CWF19L1: variants seen among roughly 807,000 people sequenced by gnomAD.
CWF19L1 encodes the protein CWF19-like protein 1.
In CWF19L1, 60 loss-of-function variants were observed where a neutral mutation model predicts 69.7. The observed-to-expected ratio is 0.86, with a 90% confidence interval of 0.70 to 1.07. The LOEUF (loss-of-function observed/expected upper bound fraction) is 1.07. Among genes scored for constraint, CWF19L1 ranks in the 50% least tolerant of loss-of-function variants. CWF19L1 has a pLI of 0.00. For synonymous variants in CWF19L1, 209 were observed against 222.2 expected (o/e 0.94, Z 0.53); for missense variants, 591 against 638.9 (o/e 0.92, Z 0.81).
chr10:100,258,242 AAATAAT>A (rs752831715), intron 4 of CWF19L1, among the ~76,000 whole-genome samples: 5 of 152,120 alleles, frequency 3.3e-5, no homozygotes, highest in Non-Finnish European at 5.9e-5. Flanking sequence ...CCATCTCAAA[AAATAAT>A]AATAATAACT....
chr10:100,265,643 C>T (rs180786171), intron 1 of CWF19L1, among the ~76,000 whole-genome samples: 61 of 151,928 alleles, frequency 4.0e-4, no homozygotes, highest in Admixed American at 5.9e-4. Context: ...GCCTCAACCT[C>T]TTGAGTAGCT....
In CWF19L1 at chr10:100,245,827, A is replaced by G. The variant is rs750904002; in HGVS notation, c.936T>C (p.Ser312=). 1.2e-6 allele frequency: 2 copies of G among 1,613,986 alleles called. No homozygotes were observed. The highest frequency in any genetic ancestry group is 1.7e-6 in the Non-Finnish European group (2 of 1,179,844). ...GTTTGCGAGGCTGCTTTGGATGAGG[A>G]GAAGATTTGCTATCTCTACCTGTGG... The part of the protein sequence containing the change: ...RSSTGRDSKS[S]PHPKQPRKPP... The change falls in exon 9 of 14, where the codon TCT becomes TCC. Residue 312 remains serine, a synonymous_variant. Transcript: ENST00000354105.
At chr10:100,250,206 G>A in intron 7 of CWF19L1, 42 bp downstream of exon 7, 1 of 1,257,180 alleles carries the variant, frequency 8.0e-7, no homozygotes. Context: ...TTATCAGGCA[G>A]ACCATGAATA....
In CWF19L1 at chr10:100,249,485, A is replaced by C. The variant is rs555447118; in HGVS notation, c.708+763T>G. 1.9e-3 allele frequency among the ~76,000 whole-genome samples: 284 copies of C among 152,276 alleles called. 1 individual carries two copies. In the South Asian group the frequency reaches 0.031, roughly 17 times the overall value. The stretch of plus-strand genomic sequence containing the variant: ...TTTTTCTGGTATATTCTTTTCATCA[A>C]CTGCACTGTTTTCCAATACAAAGAT... On this transcript the variant is annotated intron_variant, in intron 7 of 13. Transcript: ENST00000354105.
chr10:100,248,535 G>A, intron 7 of CWF19L1: 2 of 708,300 alleles, frequency 2.8e-6, no homozygotes, highest in South Asian at 3.1e-5. Context: ...CAACATCACG[G>A]TGCACATGGG....
intron 7 of CWF19L1, among the ~76,000 whole-genome samples, chr10:100,249,634 G>C (rs1242128448): frequency 6.6e-6 from 1 of 151,964 alleles, no homozygotes; most frequent in East Asian, 1.9e-4. Flanking sequence ...ACCCAGGCTG[G>C]AGTGCAGTGG....
rs1195085883 is a variant in CWF19L1, at chr10:100,261,050, A to G, written c.109-6T>C. ...TTTCCTACACACAACAGCAGCTAAA[A>G]TGAGTTTTTTAAACAGATATATGAG... On this transcript the variant is annotated splice_region_variant and splice_polypyrimidine_tract_variant and intron_variant, in intron 2 of 13. Coordinates refer to ENST00000354105, the MANE Select transcript of CWF19L1 (RefSeq NM_018294.6). The G allele has an allele frequency of 2.5e-6, 4 of 1,607,778 alleles. No individual in the cohort carries two copies. Among genetic ancestry groups the G allele is most frequent in the East Asian group, 2.2e-5 (1 of 44,786 alleles).
intron 10 of CWF19L1, among the ~76,000 whole-genome samples, chr10:100,239,337 T>C (rs182264569): frequency 3.8e-4 from 58 of 152,270 alleles, no homozygotes; most frequent in Non-Finnish European, 7.4e-5. Flanking sequence ...CAAATATAGA[T>C]ACGTTAGAAA....
In CWF19L1 at chr10:100,251,656, C is replaced by T. The variant is rs1054359820; in HGVS notation, c.624-1324G>A. Among the ~76,000 whole-genome samples, 22 of 151,900 alleles carry T rather than the reference C, an allele frequency of 1.4e-4. 1 individual carries two copies. Among genetic ancestry groups the T allele is most frequent in the Admixed American group, 1.2e-3 (18 of 15,226 alleles). On this transcript the variant is annotated intron_variant, in intron 6 of 13. Transcript: ENST00000354105. Reference sequence around the variant, plus strand: ...CCTTCCAAGTAGCTGGGACTACAGGCGCCCGCCACCATGCCCAGCTAATTT... The same window carrying T: ...CCTTCCAAGTAGCTGGGACTACAGGTGCCCGCCACCATGCCCAGCTAATTT...
intron 10 of CWF19L1, among the ~76,000 whole-genome samples, chr10:100,242,539 T>G (rs1002884213): frequency 6.6e-6 from 1 of 152,142 alleles, no homozygotes; most frequent in Non-Finnish European, 1.5e-5. Context: ...CCAGATGTGA[T>G]GGCAGGTGCC....
At chr10:100,251,851 C>T (rs542820614) in intron 6 of CWF19L1, among the ~76,000 whole-genome samples, 6 of 152,140 alleles carry the variant, frequency 3.9e-5, no homozygotes, top group African/African-American at 7.2e-5. Context: ...AACTGTATTC[C>T]GATTCTTAAG....
At chr10:100,249,573 G>A (rs532056957) in intron 7 of CWF19L1, among the ~76,000 whole-genome samples, 1 of 152,098 alleles carries the variant, frequency 6.6e-6, no homozygotes, top group East Asian at 1.9e-4. Flanking sequence ...GCTTAGGTAA[G>A]TCCTCTGGGT....
At chr10:100,248,901 G>A (rs959632640) in intron 7 of CWF19L1, 5 of 940,436 alleles carry the variant, frequency 5.3e-6, no homozygotes, top group South Asian at 1.3e-5. Flanking sequence ...TCTCTGCTGA[G>A]GGCGATTCCA....
At chr10:100,253,240 A>C (rs1281513449) in intron 6 of CWF19L1, among the ~76,000 whole-genome samples, 181 bp downstream of exon 6, 1 of 152,226 alleles carries the variant, frequency 6.6e-6, no homozygotes, top group East Asian at 1.9e-4. Flanking sequence ...GGATTTCCAA[A>C]GTGATTTCAA....
rs757088627 is a variant in CWF19L1, at chr10:100,260,986, T to C, written c.167A>G (p.Tyr56Cys). 8.7e-6 allele frequency: 14 copies of C among 1,610,858 alleles called. No homozygotes were observed. Among genetic ancestry groups the C allele is most frequent in the Non-Finnish European group, 1.0e-5 (12 of 1,177,514 alleles). ...TATACCTTTCTTGATGCCAGTCTTATACTCCTCCCATTCAGCATCTTGGGT... is the reference window on the plus strand; with the variant it reads ...TATACCTTTCTTGATGCCAGTCTTACACTCCTCCCATTCAGCATCTTGGGT... ...GSTQDAEWEE[Y>C]KTGIKKAPIQ... is the part of the protein sequence containing the mutation. The change falls in exon 3 of 14, where the codon TAT becomes TGT. Residue 56 changes from tyrosine to cysteine, a missense_variant. Physicochemically the swap from Tyr to Cys is radical, Grantham distance 194 (BLOSUM62 -2). Around this residue, in one of 3 missense-constraint regions of CWF19L1, gnomAD observed 129 missense variants for 131.3 expected, o/e 0.98. Transcript: ENST00000354105.
At chr10:100,264,802 C>T (rs1041787264) in intron 1 of CWF19L1, among the ~76,000 whole-genome samples, 7 of 151,676 alleles carry the variant, frequency 4.6e-5, no homozygotes, top group African/African-American at 1.5e-4. Context: ...GGCCTAGACT[C>T]GTGTGTGTGT....
chr10:100,258,391 T>C (rs898357042), intron 4 of CWF19L1, among the ~76,000 whole-genome samples: 18 of 152,332 alleles, frequency 1.2e-4, no homozygotes, highest in African/African-American at 3.8e-4. Flanking sequence ...CCAAGTACCT[T>C]AGCTGCTCTT....
At chr10:100,239,037 A>G (rs767985281) in intron 10 of CWF19L1, among the ~76,000 whole-genome samples, 9 of 150,716 alleles carry the variant, frequency 6.0e-5, no homozygotes, top group African/African-American at 2.0e-4. Context: ...AAAAGCTAAG[A>G]TGGCATGATT....
In CWF19L1 at chr10:100,233,467, C is replaced by T; in HGVS notation, c.1473-96G>A. 7 of 1,272,022 alleles carry T rather than the reference C, an allele frequency of 5.5e-6. No individual in the cohort carries two copies. The South Asian group carries it at 8.8e-5, about 16-fold the overall frequency. 78.8% of individuals were successfully genotyped at this position (1,272,022 alleles called of 1,614,324 possible). Reference sequence around the variant, plus strand: ...AGGTATGCAAATTTCTCTGACTTTGCTCTCCTGCCCTGAGTGCCATCTCTG... The same window carrying T: ...AGGTATGCAAATTTCTCTGACTTTGTTCTCCTGCCCTGAGTGCCATCTCTG... On this transcript the variant is annotated intron_variant, in intron 13 of 13. Coordinates refer to ENST00000354105, the MANE Select transcript of CWF19L1 (RefSeq NM_018294.6).
Sources: allele counts gnomAD v4.1 joint callset (sites outside exome capture counted in the v4.1 genomes callset), GRCh38; gene constraint gnomAD v4.1.1; regional missense constraint gnomAD v4.1.1; transcripts MANE v1.5; gene names NCBI Gene and HGNC (gene_info 2026-07-23, HGNC 2026-07-21).